TNPO2: variants seen among roughly 807,000 people sequenced by gnomAD.
The protein encoded by TNPO2 is transportin-2.
In TNPO2, 16 loss-of-function variants were observed where a neutral mutation model predicts 111.1. That is an observed-to-expected ratio of 0.14 (90% confidence interval 0.10 to 0.22). TNPO2 has a LOEUF of 0.22. Among genes scored for constraint, TNPO2 ranks in the 10% least tolerant of loss-of-function variants. TNPO2 has a pLI of 1.00. For synonymous variants in TNPO2, 481 were observed against 475.8 expected, an observed-to-expected ratio of 1.01 and a Z score of -0.14; for missense variants, 530 against 1,173.7, an observed-to-expected ratio of 0.45 and a Z score of 8.01.
rs1488638597 is a variant in TNPO2 at position 12,715,009 on chromosome 19, C to T, written c.771+38G>A. 1 of 1,578,734 alleles carries T rather than the reference C, an allele frequency of 6.3e-7. No individual in the cohort carries two copies. On this transcript the variant is annotated intron_variant, in intron 9 of 25. Coordinates refer to ENST00000425528, the MANE Select transcript of TNPO2 (RefSeq NM_001382241.1). This position sits in a 1 kb window ranked among gnomAD's most constrained non-coding sequence, Gnocchi z 7.1. Reference sequence around the variant, plus strand: ...GCTCCCTGACCCCTGCCACCGGCCCCCTGCCTGCCCGCCTGGGCTGGCCTT... The same window carrying T: ...GCTCCCTGACCCCTGCCACCGGCCCTCTGCCTGCCCGCCTGGGCTGGCCTT...
In TNPO2 at chr19:12,706,808, G is replaced by C; in HGVS notation, c.1271-13C>G. On this transcript the variant is annotated splice_polypyrimidine_tract_variant and intron_variant, in intron 13 of 25. Coordinates refer to ENST00000425528, the MANE Select transcript of TNPO2 (RefSeq NM_001382241.1). This position sits in a 1 kb window ranked among gnomAD's most constrained non-coding sequence, Gnocchi z 7.0. Reference sequence around the variant, plus strand: ...CCCTGCATGCAGCCTACAAGGAAAGGGAACCAAGAGGGGGCAGTTTGATTG... The same window carrying C: ...CCCTGCATGCAGCCTACAAGGAAAGCGAACCAAGAGGGGGCAGTTTGATTG... 6.3e-7 allele frequency: 1 copy of C among 1,587,344 alleles called. No individual in the cohort carries two copies. Among genetic ancestry groups the C allele is most frequent in the Admixed American group, 1.8e-5 (1 of 55,496 alleles).
chr19:12,701,011 GC>G lies in TNPO2; in HGVS notation c.*252del, dbSNP rs373274869. 17 of 286,678 alleles carry G rather than the reference GC, an allele frequency of 5.9e-5. No homozygotes were observed. Among genetic ancestry groups the G allele is most frequent in the African/African-American group, 3.3e-4 (15 of 45,774 alleles). 17.8% of individuals were successfully genotyped at this position (286,678 alleles called of 1,614,324 possible). The stretch of plus-strand genomic sequence containing the variant: ...GAGATGACCCTATTAGAGCCCAGGG[GC>G]CCTTGCCCACCAGAAGTCCCCCCCA... On this transcript the variant is annotated 3_prime_UTR_variant, in exon 26 of 26. Coordinates refer to ENST00000425528, the MANE Select transcript of TNPO2 (RefSeq NM_001382241.1). This position sits in a 1 kb window ranked among gnomAD's most constrained non-coding sequence, Gnocchi z 5.0.
At chr19:12,703,339 A>C in intron 20 of TNPO2, 89 bp downstream of exon 20, 1 of 1,234,110 alleles carries the variant, frequency 8.1e-7, no homozygotes. Flanking sequence ...ACTTGCCTTG[A>C]AGGAAGCTGT....
intron 10 of TNPO2, among the ~76,000 whole-genome samples, chr19:12,714,235 AG>A (rs1178672718): frequency 2.0e-5 from 3 of 152,084 alleles, no homozygotes; most frequent in African/African-American, 7.2e-5. Context: ...AGCAGATCTG[AG>A]ACCACAAAGA....
intron 12 of TNPO2, 53 bp from the exon 13 acceptor site, chr19:12,710,826 C>T (rs1382864973): frequency 2.5e-5 from 39 of 1,532,316 alleles, no homozygotes; most frequent in Non-Finnish European, 3.3e-5. Context: ...AGGCAGGTGG[C>T]CGACCCTCCT....
intron 2 of TNPO2, among the ~76,000 whole-genome samples, chr19:12,722,998 CTG>C (rs1967106552): frequency 6.6e-6 from 1 of 152,108 alleles, no homozygotes; most frequent in Non-Finnish European, 1.5e-5. Context: ...GAGGAGTACG[CTG>C]TGTGTGCGCA....
chr19:12,706,736 G>A lies in TNPO2; in HGVS notation c.1330C>T (p.Leu444=). Residue 444 remains leucine, a synonymous_variant, in exon 14 of 26, where the codon CTG becomes TTG. Coordinates refer to ENST00000425528, the MANE Select transcript of TNPO2 (RefSeq NM_001382241.1). The surrounding 1 kb of genome is among the most constrained non-coding windows in gnomAD (Gnocchi z 7.0). The part of the protein sequence containing the change: ...PELIPHLIQC[L]SDKKALVRSI... The stretch of plus-strand genomic sequence containing the variant: ...CGGACCAAGGCCTTCTTATCCGACA[G>A]GCACTGGATCAGGTGCGGGATCAGC... 2 of 1,613,536 alleles carry A rather than the reference G, an allele frequency of 1.2e-6. No homozygotes were observed. The highest frequency in any genetic ancestry group is 1.7e-6 in the Non-Finnish European group (2 of 1,179,762).
rs373020411 is a variant in TNPO2, at chr19:12,705,277, C to T, written c.1985G>A (p.Arg662His). The change falls in exon 18 of 26, where the codon CGC (arginine) becomes CAC (histidine). Residue 662 changes from arginine to histidine, a missense_variant. Transcript: ENST00000425528. This position sits in a 1 kb window ranked among gnomAD's most constrained non-coding sequence, Gnocchi z 7.2. ...GAACAGCAATGTCATGATGTTGCTG[C>T]GGGCCACCAGCTGCTCCACGTGACC... Reference protein sequence around the residue: ...LGGHVEQLVARSNIMTLLFQC... With the variant: ...LGGHVEQLVAHSNIMTLLFQC... The T allele has an allele frequency of 4.4e-5, 71 of 1,604,752 alleles. No homozygotes were observed. The highest frequency in any genetic ancestry group is 5.7e-5 in the Non-Finnish European group (67 of 1,175,936).
In TNPO2 at chr19:12,723,821, C is replaced by T. The variant is rs1038272856; in HGVS notation, c.-183G>A. ...CCGTTCATTCATGAAAATCAAGTCCCGGGCCTCCAAGGTTAGGGAAGTGTC... is the reference window on the plus strand; with the variant it reads ...CCGTTCATTCATGAAAATCAAGTCCTGGGCCTCCAAGGTTAGGGAAGTGTC... On this transcript the variant is annotated 5_prime_UTR_variant, in exon 1 of 26. Coordinates refer to ENST00000425528, the MANE Select transcript of TNPO2 (RefSeq NM_001382241.1). 1 of 152,206 alleles carries T rather than the reference C, an allele frequency of 6.6e-6. No homozygotes were observed. The allele number at this position is 152,206 out of a possible 1,614,324, so 9.4% of individuals were successfully genotyped here.
At chr19:12,722,895 A>G (rs1291110457) in intron 2 of TNPO2, among the ~76,000 whole-genome samples, 1 of 152,242 alleles carries the variant, frequency 6.6e-6, no homozygotes, top group African/African-American at 2.4e-5. Context: ...TGATGGATCC[A>G]GGAACCCCTC....
chr19:12,706,889 GA>G lies in TNPO2; in HGVS notation c.1271-95del. The G allele has an allele frequency of 1.9e-6, 2 of 1,048,524 alleles. No individual in the cohort carries two copies. Among genetic ancestry groups the G allele is most frequent in the African/African-American group, 3.2e-5 (2 of 63,434 alleles). 65.0% of individuals were successfully genotyped at this position (1,048,524 alleles called of 1,614,324 possible). A position where few individuals can be genotyped will look rare whatever the true frequency, so the allele number is the denominator to read the frequency against. Reference sequence around the variant, plus strand: ...GAGTCAGCCGCACACAACATATAGGGAAACTGAGGCTTAGAGTTTAAATCAC... The same window carrying G: ...GAGTCAGCCGCACACAACATATAGGGAACTGAGGCTTAGAGTTTAAATCAC... On this transcript the variant is annotated intron_variant, in intron 13 of 25. Coordinates refer to ENST00000425528, the MANE Select transcript of TNPO2 (RefSeq NM_001382241.1). The surrounding 1 kb of genome is among the most constrained non-coding windows in gnomAD (Gnocchi z 7.0).
chr19:12,714,195 T>A (rs2026233981), intron 10 of TNPO2, among the ~76,000 whole-genome samples: 1 of 152,108 alleles, frequency 6.6e-6, no homozygotes, highest in Non-Finnish European at 1.5e-5. Flanking sequence ...GAGGGAAGGT[T>A]GTGCCTAAGA....
rs375048568 is a variant in TNPO2 at position 12,706,160 on chromosome 19, G to A, written c.1668+36C>T. 172 of 1,603,120 alleles carry A rather than the reference G, an allele frequency of 1.1e-4. No homozygotes were observed. The highest frequency in any genetic ancestry group is 1.3e-4 in the Non-Finnish European group (149 of 1,174,618). On this transcript the variant is annotated intron_variant, in intron 15 of 25. Transcript: ENST00000425528. The surrounding 1 kb of genome is among the most constrained non-coding windows in gnomAD (Gnocchi z 7.0). ...CAGGTCACTGGATGCCCAGGGGCAC[G>A]GGGATCGGGAGGCGGGAGCCGCTCT... is the stretch of plus-strand genomic sequence containing the variant.
Position 12,706,866 on chromosome 19 carries a change from G to A in TNPO2, c.1271-71C>T, listed in dbSNP as rs982858736. The A allele has an allele frequency of 3.1e-6, 4 of 1,290,966 alleles. No individual in the cohort carries two copies. Among genetic ancestry groups the A allele is most frequent in the African/African-American group, 1.5e-5 (1 of 67,870 alleles). 80.0% of individuals were successfully genotyped at this position (1,290,966 alleles called of 1,614,324 possible). ...CCACACCCACCGTATGGAGAGAAGA[G>A]TCAGCCGCACACAACATATAGGGAA... On this transcript the variant is annotated intron_variant, in intron 13 of 25. Coordinates refer to ENST00000425528, the MANE Select transcript of TNPO2 (RefSeq NM_001382241.1). This position sits in a 1 kb window ranked among gnomAD's most constrained non-coding sequence, Gnocchi z 7.0.
At chr19:12,708,975 G>C (rs1403004260) in intron 13 of TNPO2, among the ~76,000 whole-genome samples, 5 of 151,520 alleles carry the variant, frequency 3.3e-5, no homozygotes, top group Non-Finnish European at 7.4e-5. Flanking sequence ...GCAGAATGTT[G>C]TTGCAGTGAG....
intron 3 of TNPO2, among the ~76,000 whole-genome samples, chr19:12,720,593 T>G (rs563278188): frequency 6.6e-6 from 1 of 152,328 alleles, no homozygotes; most frequent in East Asian, 1.9e-4. Flanking sequence ...AGTGCTCCGA[T>G]TACAGGCATG....
intron 12 of TNPO2, among the ~76,000 whole-genome samples, chr19:12,711,017 C>A (rs2026008585): frequency 1.3e-5 from 2 of 152,166 alleles, no homozygotes; most frequent in Non-Finnish European, 2.9e-5. Flanking sequence ...GCCTCAGCCT[C>A]CCGAGTAGCT....
chr19:12,708,294 G>T (rs1445742826), intron 13 of TNPO2, among the ~76,000 whole-genome samples: 1 of 151,648 alleles, frequency 6.6e-6, no homozygotes, highest in Non-Finnish European at 1.5e-5. Context: ...ACCACACCTG[G>T]CTAATTTTTG....
intron 20 of TNPO2, 119 bp downstream of exon 20, chr19:12,703,309 C>A (rs952666360): frequency 8.1e-6 from 7 of 866,778 alleles, no homozygotes; most frequent in Non-Finnish European, 1.3e-5. Flanking sequence ...CTTGGCTCCA[C>A]CCCTGACGAC....
Sources: gnomAD v4.1 joint callset for allele counts (sites outside exome capture counted in the v4.1 genomes callset) on GRCh38, gnomAD v4.1.1 for gene constraint, Gnocchi (gnomAD v3.1) non-coding constraint, MANE v1.5 for transcripts, NCBI Gene and HGNC (gene_info 2026-07-23, HGNC 2026-07-21) for gene names.